The following TCF4 variants were observed in gnomAD, a reference collection of about 807,000 sequenced individuals.
The protein encoded by TCF4 is transcription factor 4.
TCF4 carries 3 observed loss-of-function variants against 82.1 expected under a neutral mutation model. That is an observed-to-expected ratio of 0.04 (90% CI 0.02 to 0.09). TCF4 has a LOEUF of 0.09. TCF4 is among the 10% of genes least tolerant of loss of function. The pLI is 1.00. For synonymous variants in TCF4, 276 were observed against 309.6 expected, an observed-to-expected ratio of 0.89 and a Z score of 1.14; for missense variants, 518 against 852.7, an observed-to-expected ratio of 0.61 and a Z score of 4.89.
chr18:55,260,532 C>G (rs1161457653), intron 12 of TCF4, among the ~76,000 whole-genome samples: 2 of 152,128 alleles, frequency 1.3e-5, no homozygotes, highest in African/African-American at 4.8e-5. Flanking sequence ...ACTGAAGAGA[C>G]AAAATCTTAG....
intron 2 of TCF4, 179 bp from the exon 3 acceptor site, chr18:55,585,531 A>G (rs983021511): frequency 7.6e-5 from 51 of 674,800 alleles, no homozygotes; most frequent in Non-Finnish European, 1.3e-4. Flanking sequence ...ATCCCACCCC[A>G]GCCCCCATTA....
intron 5 of TCF4, among the ~76,000 whole-genome samples, chr18:55,447,946 T>C (rs1039127303): frequency 7.0e-5 from 10 of 142,458 alleles, no homozygotes; most frequent in African/African-American, 2.6e-4. Flanking sequence ...TCGCTCTGAA[T>C]ATTTACTTGT....
At chr18:55,399,874 TCTCTCTCACACACACACACACA>T (rs1250583910) in intron 6 of TCF4, among the ~76,000 whole-genome samples, 2 of 130,038 alleles carry the variant, frequency 1.5e-5, no homozygotes, top group Non-Finnish European at 3.2e-5. Flanking sequence ...TCTCTCTCTC[TCTCTCTCACACACACACACACA>T]CACACACACA....
intron 6 of TCF4, among the ~76,000 whole-genome samples, chr18:55,362,824 T>C (rs2085828248): frequency 6.6e-6 from 1 of 152,226 alleles, no homozygotes; most frequent in Admixed American, 6.5e-5. Flanking sequence ...ATTATAAATA[T>C]ATTTAGATAT....
intron 5 of TCF4, among the ~76,000 whole-genome samples, chr18:55,412,433 C>T (rs1197537484): frequency 6.6e-6 from 1 of 151,786 alleles, no homozygotes; most frequent in East Asian, 1.9e-4. Flanking sequence ...ATGAGAATCC[C>T]GGAGTTTTGT....
Position 55,223,200 on chromosome 18 carries a change from G to C in TCF4, c.*4835C>G, listed in dbSNP as rs1208055412. On this transcript the variant is annotated 3_prime_UTR_variant, in exon 20 of 20. Coordinates refer to ENST00000354452, the MANE Select transcript of TCF4 (RefSeq NM_001083962.2). ...CACATTAATTATATTCCTTCAATTAGTTAATCCTCTAGACAGTTTTCTTTT... is the reference window on the plus strand; with the variant it reads ...CACATTAATTATATTCCTTCAATTACTTAATCCTCTAGACAGTTTTCTTTT... 1 of 152,154 alleles carries C rather than the reference G, an allele frequency of 6.6e-6. No homozygotes were observed. Among genetic ancestry groups the C allele is most frequent in the Non-Finnish European group, 1.5e-5 (1 of 68,034 alleles). 9.4% of individuals were successfully genotyped at this position (152,154 alleles called of 1,614,324 possible). A position where few individuals can be genotyped will look rare whatever the true frequency, so the allele number is the denominator to read the frequency against.
chr18:55,578,986 T>C (rs1015015307), intron 3 of TCF4, among the ~76,000 whole-genome samples: 1 of 151,902 alleles, frequency 6.6e-6, no homozygotes, highest in Non-Finnish European at 1.5e-5. Flanking sequence ...CACCTGGGTA[T>C]TTGATATGCT....
At chr18:55,523,068 C>T (rs2096945893) in intron 3 of TCF4, among the ~76,000 whole-genome samples, 1 of 151,976 alleles carries the variant, frequency 6.6e-6, no homozygotes, top group Admixed American at 6.6e-5. Flanking sequence ...AAAAGCTAAA[C>T]TTGATAATCT....
intron 3 of TCF4, chr18:55,551,181 G>A (rs1179016636): frequency 6.6e-6 from 1 of 152,328 alleles, no homozygotes; most frequent in African/African-American, 2.4e-5. Flanking sequence ...CTGGCCTCAA[G>A]TGATCTGCCC....
At chr18:55,570,351 T>G (rs1330042426) in intron 3 of TCF4, among the ~76,000 whole-genome samples, 1 of 152,182 alleles carries the variant, frequency 6.6e-6, no homozygotes, top group Non-Finnish European at 1.5e-5. Flanking sequence ...ATTTAAGGAC[T>G]TTATCAAGAG....
At chr18:55,526,354 G>C (rs1240134431) in intron 3 of TCF4, among the ~76,000 whole-genome samples, 1 of 152,136 alleles carries the variant, frequency 6.6e-6, no homozygotes, top group African/African-American at 2.4e-5. Flanking sequence ...GATATGTATA[G>C]CCTTATCTGG....
At chr18:55,347,728 C>T (rs1009371779) in intron 8 of TCF4, among the ~76,000 whole-genome samples, 8 of 152,024 alleles carry the variant, frequency 5.3e-5, no homozygotes, top group Non-Finnish European at 7.4e-5. Flanking sequence ...GCAGTGTCAC[C>T]GTTTAAGTTT....
intron 5 of TCF4, among the ~76,000 whole-genome samples, chr18:55,412,567 G>A (rs780219406): frequency 2.0e-5 from 3 of 152,006 alleles, no homozygotes; most frequent in Non-Finnish European, 4.4e-5. Context: ...GACCTGGTTC[G>A]TTCATTTAAA....
At chr18:55,509,534 T>A (rs2096801544) in intron 3 of TCF4, among the ~76,000 whole-genome samples, 1 of 152,172 alleles carries the variant, frequency 6.6e-6, no homozygotes, top group Non-Finnish European at 1.5e-5. Flanking sequence ...TAAAAAAGAA[T>A]GGACTGTTGA....
At chr18:55,480,959 C>T (rs1464226311) in intron 3 of TCF4, among the ~76,000 whole-genome samples, 1 of 151,972 alleles carries the variant, frequency 6.6e-6, no homozygotes, top group Non-Finnish European at 1.5e-5. Context: ...CAAAAAATTG[C>T]TGGGCGTGGT....
chr18:55,378,826 C>T (rs935757841), intron 6 of TCF4, among the ~76,000 whole-genome samples: 1 of 152,200 alleles, frequency 6.6e-6, no homozygotes, highest in Admixed American at 6.5e-5. Flanking sequence ...CTTTGCTTTC[C>T]ACACTTGGAC....
In TCF4 at chr18:55,390,769, G is replaced by A. The variant is rs554348342; in HGVS notation, c.369+12685C>T. Among the ~76,000 whole-genome samples the A allele has an allele frequency of 2.0e-5, 3 of 152,272 alleles. No homozygotes were observed. In the South Asian group the frequency reaches 6.2e-4, roughly 32 times the overall value. ...AATGACATATGGATGGAGACAGTCT[G>A]GAGTCCAAAAACTGATAGGGTGTGT... On this transcript the variant is annotated intron_variant, in intron 6 of 19. Transcript: ENST00000354452.
chr18:55,253,644 C>G (rs181599253), intron 15 of TCF4, among the ~76,000 whole-genome samples: 2 of 152,158 alleles, frequency 1.3e-5, no homozygotes, highest in Admixed American at 1.3e-4. Flanking sequence ...CAAATAAAGA[C>G]TTATTCTAAA....
intron 3 of TCF4, among the ~76,000 whole-genome samples, chr18:55,517,427 C>T (rs1371027354): frequency 1.3e-5 from 2 of 152,078 alleles, no homozygotes; most frequent in Non-Finnish European, 2.9e-5. Flanking sequence ...TGAGTGACCA[C>T]CATTGACATC....
Sources: allele counts gnomAD v4.1 joint callset (sites outside exome capture counted in the v4.1 genomes callset), GRCh38; gene constraint gnomAD v4.1.1; transcripts MANE v1.5; gene names NCBI Gene and HGNC (gene_info 2026-07-23, HGNC 2026-07-21).